The following KIAA1958 variants were observed in gnomAD, a reference collection of about 807,000 sequenced individuals.
The protein encoded by KIAA1958 is KIAA1958.
Under a neutral mutation model 47.2 loss-of-function variants are expected in KIAA1958, and 14 were observed. The observed-to-expected ratio is 0.30, with a 90% CI of 0.20 to 0.46. The LOEUF is 0.46. Among genes scored for constraint, KIAA1958 ranks in the 20% least tolerant of loss-of-function variants. The pLI, the probability that KIAA1958 is intolerant of heterozygous loss-of-function variation, is 1.00. For synonymous variants in KIAA1958, 354 were observed against 353.3 expected (o/e 1.00, Z -0.02); for missense variants, 803 against 909.2 (o/e 0.88, Z 1.50).
At chr9:112,599,098 A>G (rs993345893) in intron 2 of KIAA1958, among the ~76,000 whole-genome samples, 2 of 152,198 alleles carry the variant, frequency 1.3e-5, no homozygotes, top group African/African-American at 2.4e-5. Context: ...AATATTTTAA[A>G]TTAAAATTTT....
intron 3 of KIAA1958, among the ~76,000 whole-genome samples, chr9:112,659,019 C>CAAAAAAAAAAAAA (rs560013892): frequency 3.5e-5 from 2 of 57,760 alleles, no homozygotes; most frequent in Non-Finnish European, 6.8e-5. Context: ...GACTCTGACT[C>CAAAAAAAAAAAAA]AAAAAAAAAA....
chr9:112,621,337 C>G (rs1347399284), intron 2 of KIAA1958, among the ~76,000 whole-genome samples: 2 of 152,190 alleles, frequency 1.3e-5, no homozygotes, highest in South Asian at 4.1e-4. Context: ...TTTAAGGGAA[C>G]TCTTAAACTC....
chr9:112,625,625 A>G (rs1836597672), intron 2 of KIAA1958, among the ~76,000 whole-genome samples: 1 of 152,180 alleles, frequency 6.6e-6, no homozygotes, highest in African/African-American at 2.4e-5. Context: ...AAACAACCCT[A>G]TATTTCTACT....
chr9:112,511,877 A>G (rs1292566587), intron 1 of KIAA1958, among the ~76,000 whole-genome samples: 2 of 152,216 alleles, frequency 1.3e-5, no homozygotes, highest in African/African-American at 2.4e-5. Context: ...TAAAAGGATA[A>G]TAAGAGACTT....
chr9:112,546,799 T>C (rs1835042350), intron 1 of KIAA1958, among the ~76,000 whole-genome samples: 1 of 152,186 alleles, frequency 6.6e-6, no homozygotes, highest in Non-Finnish European at 1.5e-5. Flanking sequence ...TGTAATTTAA[T>C]CATGGTTATC....
intron 1 of KIAA1958, among the ~76,000 whole-genome samples, chr9:112,508,809 T>TC (rs1162677290): frequency 6.6e-6 from 1 of 152,218 alleles, no homozygotes; most frequent in Non-Finnish European, 1.5e-5. Context: ...AATTTTTTTT[T>TC]CTAATAAGAT....
intron 1 of KIAA1958, among the ~76,000 whole-genome samples, chr9:112,505,397 C>T (rs1328705103): frequency 2.0e-5 from 3 of 152,036 alleles, no homozygotes; most frequent in African/African-American, 4.8e-5. Context: ...ATGGGGTTGT[C>T]GTGAGGATTA....
chr9:112,549,775 A>G (rs1835109127), intron 1 of KIAA1958, among the ~76,000 whole-genome samples: 1 of 152,130 alleles, frequency 6.6e-6, no homozygotes, highest in Non-Finnish European at 1.5e-5. Context: ...CAATGTCTGG[A>G]GACATTTTTG....
chr9:112,581,577 G>A (rs1835735468), intron 2 of KIAA1958, among the ~76,000 whole-genome samples: 1 of 152,148 alleles, frequency 6.6e-6, no homozygotes. Context: ...GGGTGCAGGA[G>A]CGGAGATTAA....
intron 1 of KIAA1958, among the ~76,000 whole-genome samples, chr9:112,488,495 A>G (rs989969480): frequency 3.3e-5 from 5 of 152,186 alleles, no homozygotes; most frequent in African/African-American, 9.7e-5. Context: ...ATCAATCTCA[A>G]TCTACTGCTC....
intron 2 of KIAA1958, among the ~76,000 whole-genome samples, chr9:112,623,481 G>A (rs1420114366): frequency 1.3e-5 from 2 of 152,136 alleles, no homozygotes; most frequent in Non-Finnish European, 2.9e-5. Flanking sequence ...CTGTGCTTCT[G>A]TAGACCCTCT....
At chr9:112,503,274 T>C (rs1834175578) in intron 1 of KIAA1958, among the ~76,000 whole-genome samples, 1 of 152,108 alleles carries the variant, frequency 6.6e-6, no homozygotes, top group South Asian at 2.1e-4. Flanking sequence ...CATTCAGGTA[T>C]CTGGAGGAAG....
chr9:112,642,974 G>A (rs539675667), intron 2 of KIAA1958, among the ~76,000 whole-genome samples: 20 of 152,100 alleles, frequency 1.3e-4, no homozygotes, highest in Non-Finnish European at 1.5e-4. Flanking sequence ...TATACTCTCT[G>A]TCCTGTGATT....
At chr9:112,488,759 A>G (rs563575905) in intron 1 of KIAA1958, among the ~76,000 whole-genome samples, 16 of 152,256 alleles carry the variant, frequency 1.1e-4, no homozygotes, top group Non-Finnish European at 1.8e-4. Context: ...TAAACAGTGT[A>G]CAATTTAATG....
At chr9:112,631,760 A>G (rs922353669) in intron 2 of KIAA1958, among the ~76,000 whole-genome samples, 2 of 152,148 alleles carry the variant, frequency 1.3e-5, no homozygotes, top group African/African-American at 4.8e-5. Flanking sequence ...ATACTTCAAA[A>G]ACTAATCTAG....
In KIAA1958 at chr9:112,653,486, T is replaced by C. The variant is rs992913963; in HGVS notation, c.1345-5777T>C. Among the ~76,000 whole-genome samples the C allele has an allele frequency of 7.4e-4, 112 of 152,220 alleles. 1 individual carries two copies. The highest frequency in any genetic ancestry group is 2.2e-3 in the African/African-American group (93 of 41,454). On this transcript the variant is annotated intron_variant, in intron 3 of 3. Coordinates refer to ENST00000337530, the MANE Select transcript of KIAA1958 (RefSeq NM_133465.4). Reference sequence around the variant, plus strand: ...TGAGTACCTCCCCTACTAGTCTCACTTGGGGTACTCATATGGGTGCAGTCA... The same window carrying C: ...TGAGTACCTCCCCTACTAGTCTCACCTGGGGTACTCATATGGGTGCAGTCA...
At chr9:112,598,988 A>G (rs1337076165) in intron 2 of KIAA1958, among the ~76,000 whole-genome samples, 1 of 152,126 alleles carries the variant, frequency 6.6e-6, no homozygotes, top group Non-Finnish European at 1.5e-5. Flanking sequence ...AGACTGAGAC[A>G]GGAGGATCGC....
At chr9:112,603,727 C>A (rs1436024939) in intron 2 of KIAA1958, among the ~76,000 whole-genome samples, 2 of 152,192 alleles carry the variant, frequency 1.3e-5, no homozygotes, top group South Asian at 2.1e-4. Flanking sequence ...CAGGGACTTA[C>A]CTTTGACTAC....
intron 1 of KIAA1958, among the ~76,000 whole-genome samples, chr9:112,555,812 C>G (rs548161498): frequency 4.6e-5 from 7 of 152,206 alleles, no homozygotes; most frequent in Non-Finnish European, 1.0e-4. Flanking sequence ...CGGTGGCTCA[C>G]GCCTGTAATC....
Sources: gnomAD v4.1 joint callset for allele counts (sites outside exome capture counted in the v4.1 genomes callset) on GRCh38, gnomAD v4.1.1 for gene constraint, MANE v1.5 for transcripts, NCBI Gene and HGNC (gene_info 2026-07-23, HGNC 2026-07-21) for gene names.